Variants in RBFOX3 observed in about 807,000 individuals in gnomAD.
RBFOX3 encodes RNA binding fox-1 homolog 3, also known as RNA binding protein fox-1 homolog 3.
RBFOX3 carries 17 observed loss-of-function variants against 48.7 expected under a neutral mutation model. The ratio of observed to expected loss-of-function variants is 0.35; its 90% CI spans 0.24 to 0.52. The LOEUF is 0.52. RBFOX3 is among the 20% of genes least tolerant of loss of function. RBFOX3 has a pLI of 0.94. For synonymous variants in RBFOX3, 212 were observed against 209.5 expected (o/e 1.01, Z -0.10); for missense variants, 382 against 497.5 (o/e 0.77, Z 2.21).
intron 4 of RBFOX3, among the ~76,000 whole-genome samples, chr17:79,137,151 C>T (rs879298078): frequency 1.3e-5 from 2 of 152,270 alleles, no homozygotes; most frequent in East Asian, 1.9e-4. Context: ...GACACACACA[C>T]GTGCTCACAT....
At chr17:79,320,401 G>A (rs12942457) in intron 2 of RBFOX3, among the ~76,000 whole-genome samples, 2,560 of 152,322 alleles carry the variant, frequency 0.017, 35 homozygotes, top group Middle Eastern at 0.041. Context: ...ATCCCACGTC[G>A]TGCCACTTGG....
intron 3 of RBFOX3, among the ~76,000 whole-genome samples, chr17:79,293,583 G>A (rs2073823579): frequency 6.6e-6 from 1 of 151,930 alleles, no homozygotes; most frequent in South Asian, 2.1e-4. Context: ...CTCCTGAGTA[G>A]CTGGGATTAC....
At chr17:79,589,831 G>A (rs1383938355) in intron 1 of RBFOX3, among the ~76,000 whole-genome samples, 1 of 152,224 alleles carries the variant, frequency 6.6e-6, no homozygotes, top group East Asian at 1.9e-4. Context: ...AGGCATGCTG[G>A]GGAGGGCTGT....
chr17:79,240,959 T>C (rs891102016), intron 3 of RBFOX3, among the ~76,000 whole-genome samples: 3 of 150,102 alleles, frequency 2.0e-5, no homozygotes, highest in African/African-American at 7.3e-5. Context: ...CCACTGCGCC[T>C]GGCCTAAATT....
chr17:79,552,895 T>C (rs1281881702), intron 1 of RBFOX3, among the ~76,000 whole-genome samples: 17 of 152,344 alleles, frequency 1.1e-4, no homozygotes, highest in Admixed American at 6.5e-4. Context: ...TTGGTTGTAG[T>C]AGTTTTTCAT....
At chr17:79,541,121 C>A (rs1348448973) in intron 1 of RBFOX3, among the ~76,000 whole-genome samples, 1 of 151,150 alleles carries the variant, frequency 6.6e-6, no homozygotes, top group Non-Finnish European at 1.5e-5. Flanking sequence ...TGAATCAGGA[C>A]AAAATCATCA....
At chr17:79,474,235 G>A (rs983815470) in intron 2 of RBFOX3, among the ~76,000 whole-genome samples, 2 of 152,176 alleles carry the variant, frequency 1.3e-5, no homozygotes, top group African/African-American at 2.4e-5. Context: ...GTTGACTCAC[G>A]TCCCTGGTGG....
At chr17:79,329,004 G>T (rs1375208498) in intron 2 of RBFOX3, among the ~76,000 whole-genome samples, 1 of 152,088 alleles carries the variant, frequency 6.6e-6, no homozygotes, top group Admixed American at 6.5e-5. Context: ...AAGGCAGAGG[G>T]GAAGAAGTAA....
At chr17:79,649,116 C>T in the RBFOX3 span, among the ~76,000 whole-genome samples, 4 of 151,700 alleles carry the variant, frequency 2.6e-5, no homozygotes, top group African/African-American at 9.7e-5. Flanking sequence ...GTAGCTGGGA[C>T]TACAGGCACA....
chr17:79,486,901 G>A (rs2079689978), intron 1 of RBFOX3, among the ~76,000 whole-genome samples: 1 of 152,232 alleles, frequency 6.6e-6, no homozygotes, highest in South Asian at 2.1e-4. Context: ...CACTGCTCCC[G>A]AGGCAGCACG....
the RBFOX3 span, among the ~76,000 whole-genome samples, chr17:79,650,865 C>T: frequency 6.6e-6 from 1 of 152,198 alleles, no homozygotes; most frequent in Admixed American, 6.5e-5. Context: ...GCACCAGCAT[C>T]TCCATGCCTG....
In RBFOX3 at chr17:79,421,589, G is replaced by A. The variant is rs981325952; in HGVS notation, c.-175+60865C>T. On this transcript the variant is annotated intron_variant, in intron 2 of 14. Transcript: ENST00000693108. This position sits in a 1 kb window ranked among gnomAD's most constrained non-coding sequence, Gnocchi z 4.5. The stretch of plus-strand genomic sequence containing the variant: ...TGCTGGCATTGGGTGACAGGAGGGG[G>A]CCCCAGAAGTTGAGGACACAAGGAA... Among the ~76,000 whole-genome samples the A allele has an allele frequency of 2.6e-5, 4 of 152,170 alleles. No homozygotes were observed. Among genetic ancestry groups the A allele is most frequent in the African/African-American group, 4.8e-5 (2 of 41,438 alleles).
At chr17:79,335,933 A>G (rs1055434411) in intron 2 of RBFOX3, among the ~76,000 whole-genome samples, 2 of 152,164 alleles carry the variant, frequency 1.3e-5, no homozygotes, top group African/African-American at 2.4e-5. Context: ...TATCCTATTC[A>G]ATGGGTTTCT....
intron 10 of RBFOX3, 58 bp from the exon 11 acceptor site, chr17:79,097,482 C>A: frequency 6.8e-7 from 1 of 1,474,124 alleles, no homozygotes. Context: ...CACCTGGCAC[C>A]CCCTCCCCGT....
chr17:79,616,689 C>G, the RBFOX3 span, among the ~76,000 whole-genome samples: 2 of 152,132 alleles, frequency 1.3e-5, no homozygotes, highest in Non-Finnish European at 2.9e-5. Flanking sequence ...ACCATCCAAG[C>G]ACGCTGTGGG....
At chr17:79,404,920 T>C (rs1434404149) in intron 2 of RBFOX3, among the ~76,000 whole-genome samples, 1 of 152,158 alleles carries the variant, frequency 6.6e-6, no homozygotes, top group Non-Finnish European at 1.5e-5. Flanking sequence ...TTCAAAGAAG[T>C]AGATAGCCTC....
At chr17:79,171,221 G>T (rs1292741281) in intron 4 of RBFOX3, among the ~76,000 whole-genome samples, 1 of 152,216 alleles carries the variant, frequency 6.6e-6, no homozygotes, top group Non-Finnish European at 1.5e-5. Flanking sequence ...AAACAGTTTG[G>T]ACTGGGTTAC....
intron 1 of RBFOX3, chr17:79,516,066 AGAGAGAGAGAGCAGAGAGTCC>A (rs1156509719): frequency 2.6e-5 from 4 of 151,258 alleles, no homozygotes; most frequent in African/African-American, 9.8e-5. Context: ...GGAGAGAGTC[AGAGAGAGAGAGCAGAGAGTCC>A]GAGAGAGAGA....
At chr17:79,169,170 A>G (rs950168413) in intron 4 of RBFOX3, among the ~76,000 whole-genome samples, 2 of 152,208 alleles carry the variant, frequency 1.3e-5, no homozygotes, top group African/African-American at 4.8e-5. Flanking sequence ...AAGAGGGACA[A>G]AGGCAGCACT....
Sources: allele counts gnomAD v4.1 joint callset (sites outside exome capture counted in the v4.1 genomes callset), GRCh38; gene constraint gnomAD v4.1.1; non-coding constraint Gnocchi (gnomAD v3.1); transcripts MANE v1.5; gene names NCBI Gene and HGNC (gene_info 2026-07-23, HGNC 2026-07-21).